The following MGAT4A variants were observed in gnomAD, a reference collection of about 807,000 sequenced individuals.
The protein encoded by MGAT4A is alpha-1,3-mannosyl-glycoprotein 4-beta-N-acetylglucosaminyltransferase A, also known as N-acetylglucosaminyltransferase IVa.
MGAT4A carries 33 observed loss-of-function variants against 74.1 expected under a neutral mutation model. That is an observed-to-expected ratio of 0.45 (90% CI 0.34 to 0.60). The LOEUF is 0.60. Among genes scored for constraint, MGAT4A ranks in the 20% least tolerant of loss-of-function variants. The pLI is 0.02. For missense variants in MGAT4A, 479 were observed against 628.3 expected, an observed-to-expected ratio of 0.76 and a Z score of 2.54; for synonymous variants, 198 against 210.4, an observed-to-expected ratio of 0.94 and a Z score of 0.51.
rs77971164 is a variant in MGAT4A at position 98,728,178 on chromosome 2, T to C, written c.-235-1611A>G. ...TCATGGAAATTTTCAAAGTGTATGTTTATACAACTTTAAACAAATCTCCAC... is the reference window on the plus strand; with the variant it reads ...TCATGGAAATTTTCAAAGTGTATGTCTATACAACTTTAAACAAATCTCCAC... On this transcript the variant is annotated intron_variant, in intron 1 of 15. Coordinates refer to ENST00000393487, the MANE Select transcript of MGAT4A (RefSeq NM_012214.3). 9.8e-3 allele frequency among the ~76,000 whole-genome samples: 1,492 copies of C among 152,314 alleles called. 24 individuals carry two copies. The highest frequency in any genetic ancestry group is 0.033 in the African/African-American group (1,385 of 41,558).
At chr2:98,708,162 C>T (rs190678672) in intron 2 of MGAT4A, among the ~76,000 whole-genome samples, 1 of 151,344 alleles carries the variant, frequency 6.6e-6, no homozygotes, top group African/African-American at 2.4e-5. Context: ...AGAGATGGGT[C>T]TCACTATGTT....
At chr2:98,660,567 A>AT (rs1374167489) in intron 5 of MGAT4A, among the ~76,000 whole-genome samples, 1 of 152,096 alleles carries the variant, frequency 6.6e-6, no homozygotes, top group Non-Finnish European at 1.5e-5. Context: ...TATGGTATTG[A>AT]TTTTTAAAAA....
At chr2:98,656,505 G>A in intron 6 of MGAT4A, 40 bp from the exon 7 acceptor site, 1 of 1,365,908 alleles carries the variant, frequency 7.3e-7, no homozygotes, top group Non-Finnish European at 1.0e-6. Flanking sequence ...AAGTTCTGTG[G>A]GATTTTATTT....
At chr2:98,666,289 C>A (rs1408617547) in intron 4 of MGAT4A, among the ~76,000 whole-genome samples, 2 of 152,020 alleles carry the variant, frequency 1.3e-5, no homozygotes, top group Non-Finnish European at 2.9e-5. Flanking sequence ...CAGAACAACA[C>A]ACTTGAGGAG....
At chr2:98,642,883 T>G (rs3769693) in intron 10 of MGAT4A, among the ~76,000 whole-genome samples, 25,449 of 152,128 alleles carry the variant, frequency 0.17, 2,314 homozygotes, top group Middle Eastern at 0.22. Flanking sequence ...AATGCAATGA[T>G]AGCCTACAGA....
At chr2:98,631,133 T>G (rs1161218113) in intron 14 of MGAT4A, among the ~76,000 whole-genome samples, 1 of 152,186 alleles carries the variant, frequency 6.6e-6, no homozygotes, top group Non-Finnish European at 1.5e-5. Context: ...ATAGAACTAG[T>G]ATTTCTTCCA....
At chr2:98,719,025 G>T (rs1702629304) in intron 2 of MGAT4A, among the ~76,000 whole-genome samples, 1 of 152,112 alleles carries the variant, frequency 6.6e-6, no homozygotes, top group African/African-American at 2.4e-5. Flanking sequence ...CCAAAGAAGG[G>T]GCTTCATTTG....
At position 98,675,203 on chromosome 2, in the gene MGAT4A, C is replaced by G. The variant is rs1482083621; in HGVS notation, c.263-28G>C. On this transcript the variant is annotated intron_variant, in intron 3 of 15. Coordinates refer to ENST00000393487, the MANE Select transcript of MGAT4A (RefSeq NM_012214.3). ...GAAACACAGAAGTATAATTAATATACAAGAATTACCTTACAGAAGTTGCTG... is the reference window on the plus strand; with the variant it reads ...GAAACACAGAAGTATAATTAATATAGAAGAATTACCTTACAGAAGTTGCTG... 4 of 1,486,550 alleles carry G rather than the reference C, an allele frequency of 2.7e-6. 1 individual carries two copies. In the Admixed American group the frequency reaches 9.0e-5, roughly 33 times the overall value. The allele number at this position is 1,486,550 out of a possible 1,614,324, so 92.1% of individuals were successfully genotyped here. A position where few individuals can be genotyped will look rare whatever the true frequency, so the allele number is the denominator to read the frequency against.
In MGAT4A at chr2:98,624,461, T is replaced by C. The variant is rs1701114154; in HGVS notation, c.*1105A>G. ...TTGGACACGGGACTCACTTATCAGT[T>C]CATACTACAATAAAATCATTTTGGA... On this transcript the variant is annotated 3_prime_UTR_variant, in exon 16 of 16. Transcript: ENST00000393487. 2.1e-6 allele frequency: 2 copies of C among 969,840 alleles called. No individual in the cohort carries two copies. The highest frequency in any genetic ancestry group is 2.3e-4 in the East Asian group (2 of 8,742). The allele number at this position is 969,840 out of a possible 1,614,324, so 60.1% of individuals were successfully genotyped here. A position where few individuals can be genotyped will look rare whatever the true frequency, so the allele number is the denominator to read the frequency against.
chr2:98,657,965 G>A (rs1430945158), intron 6 of MGAT4A, among the ~76,000 whole-genome samples: 1 of 152,144 alleles, frequency 6.6e-6, no homozygotes, highest in Non-Finnish European at 1.5e-5. Flanking sequence ...ATTAAAGACT[G>A]TTATTTAATA....
intron 14 of MGAT4A, among the ~76,000 whole-genome samples, chr2:98,627,439 G>A (rs956168886): frequency 2.6e-5 from 4 of 151,972 alleles, no homozygotes; most frequent in East Asian, 3.9e-4. Context: ...GCGATGGCAC[G>A]ATCTCGGCTC....
chr2:98,651,106 C>T (rs181119091), intron 8 of MGAT4A, among the ~76,000 whole-genome samples: 1 of 151,586 alleles, frequency 6.6e-6, no homozygotes, highest in Non-Finnish European at 1.5e-5. Flanking sequence ...TAAGACTTTC[C>T]CAGATAAACA....
At chr2:98,727,088 A>G (rs544971083) in intron 1 of MGAT4A, among the ~76,000 whole-genome samples, 24 of 152,346 alleles carry the variant, frequency 1.6e-4, no homozygotes, top group Admixed American at 7.8e-4. Context: ...AAAATGAGGT[A>G]ACAATCTGTC....
chr2:98,693,028 G>A (rs756821378), intron 2 of MGAT4A, among the ~76,000 whole-genome samples: 5 of 152,124 alleles, frequency 3.3e-5, no homozygotes, highest in Non-Finnish European at 5.9e-5. Flanking sequence ...TAGAAAACTA[G>A]AGACAAAGAA....
In MGAT4A at chr2:98,629,842, G is replaced by A. The variant is rs561052745; in HGVS notation, c.1469-4007C>T. On this transcript the variant is annotated intron_variant, in intron 14 of 15. Coordinates refer to ENST00000393487, the MANE Select transcript of MGAT4A (RefSeq NM_012214.3). ...GCAGATCACCTGAGGTCAGGAGTTC[G>A]AGACCAGCCTAGCCAACATGGTGAA... Among the ~76,000 whole-genome samples, 11 of 152,206 alleles carry A rather than the reference G, an allele frequency of 7.2e-5. No individual in the cohort carries two copies. In the South Asian group the frequency reaches 2.3e-3, roughly 32 times the overall value.
At chr2:98,716,515 G>A (rs1026864218) in intron 2 of MGAT4A, among the ~76,000 whole-genome samples, 2 of 152,184 alleles carry the variant, frequency 1.3e-5, no homozygotes, top group Non-Finnish European at 2.9e-5. Context: ...CTTCTCAGGA[G>A]GCTGAGGCAG....
chr2:98,708,832 G>A (rs1185253046), intron 2 of MGAT4A, among the ~76,000 whole-genome samples: 1 of 152,186 alleles, frequency 6.6e-6, no homozygotes, highest in African/African-American at 2.4e-5. Flanking sequence ...AAACAATAGG[G>A]TGAGAATATA....
intron 2 of MGAT4A, among the ~76,000 whole-genome samples, chr2:98,710,533 C>A (rs547673578): frequency 6.6e-6 from 1 of 152,284 alleles, no homozygotes; most frequent in Non-Finnish European, 1.5e-5. Context: ...GAACTCGGCT[C>A]ACTGCAAACT....
chr2:98,720,143 ACTAGAGGAC>A (rs1426705260), intron 2 of MGAT4A, among the ~76,000 whole-genome samples: 3 of 152,230 alleles, frequency 2.0e-5, no homozygotes, highest in Non-Finnish European at 4.4e-5. Flanking sequence ...GTAAAAATTC[ACTAGAGGAC>A]CTTGTGATGG....
Sources: allele counts gnomAD v4.1 joint callset (sites outside exome capture counted in the v4.1 genomes callset), GRCh38; gene constraint gnomAD v4.1.1; transcripts MANE v1.5; gene names NCBI Gene and HGNC (gene_info 2026-07-23, HGNC 2026-07-21).